GALNT11: variants seen among roughly 807,000 people sequenced by gnomAD.
The protein encoded by GALNT11 is polypeptide N-acetylgalactosaminyltransferase 11.
Under a neutral mutation model 72.7 loss-of-function variants are expected in GALNT11, and 47 were observed. That is an observed-to-expected ratio of 0.65 (90% CI 0.51 to 0.82). The LOEUF is 0.82. Among genes scored for constraint, GALNT11 ranks in the 40% least tolerant of loss-of-function variants. The pLI is 0.00. For missense variants in GALNT11, 677 were observed against 778.4 expected (o/e 0.87, Z 1.55); for synonymous variants, 270 against 286.6 (o/e 0.94, Z 0.58).
At chr7:152,113,712 CTTTTTTTTTTTTTTTTTTTTTTTTT>C (rs6150397) in intron 8 of GALNT11, among the ~76,000 whole-genome samples, 18 of 97,030 alleles carry the variant, frequency 1.9e-4, no homozygotes, top group South Asian at 6.3e-4. Context: ...AGTTGGCTTT[CTTTTTTTTTTTTTTTTTTTTTTTTT>C]TTTTTTTTTT....
rs113451796 is a variant in GALNT11 at position 152,077,859 on chromosome 7, G to A, written c.-38-16331G>A. On this transcript the variant is annotated intron_variant, in intron 1 of 11. Coordinates refer to ENST00000430044, the MANE Select transcript of GALNT11 (RefSeq NM_022087.4). ...CAGACAGTGGAATTACCAGACAGACGCTAAAGCATATGTTTATTATGTTCA... is the reference window on the plus strand; with the variant it reads ...CAGACAGTGGAATTACCAGACAGACACTAAAGCATATGTTTATTATGTTCA... 3.1e-3 allele frequency among the ~76,000 whole-genome samples: 479 copies of A among 152,096 alleles called. 1 individual carries two copies. The highest frequency in any genetic ancestry group is 0.01 in the Middle Eastern group (3 of 294).
At chr7:152,089,539 A>G (rs1465505951) in intron 1 of GALNT11, among the ~76,000 whole-genome samples, 1 of 152,234 alleles carries the variant, frequency 6.6e-6, no homozygotes, top group Non-Finnish European at 1.5e-5. Context: ...TCTAAACTAA[A>G]ACCCGATTGG....
intron 1 of GALNT11, among the ~76,000 whole-genome samples, chr7:152,088,411 G>T (rs1254819520): frequency 6.6e-6 from 1 of 151,838 alleles, no homozygotes; most frequent in Non-Finnish European, 1.5e-5. Flanking sequence ...ATTTATGAAG[G>T]TGGTAGATTA....
rs191138912 is a variant in GALNT11 at position 152,079,636 on chromosome 7, C to T, written c.-38-14554C>T. ...GAGCATATGATGTCTGGAATTTGCT[C>T]TGAACCTTTCCTAATTCAGCAATCG... On this transcript the variant is annotated intron_variant, in intron 1 of 11. Coordinates refer to ENST00000430044, the MANE Select transcript of GALNT11 (RefSeq NM_022087.4). 2.6e-5 allele frequency among the ~76,000 whole-genome samples: 4 copies of T among 152,328 alleles called. No homozygotes were observed. The East Asian group carries it at 7.7e-4, about 29-fold the overall frequency.
chr7:152,106,896 C>G (rs935080599), intron 5 of GALNT11, among the ~76,000 whole-genome samples: 1 of 152,134 alleles, frequency 6.6e-6, no homozygotes, highest in Non-Finnish European at 1.5e-5. Context: ...ATTTTCTCCT[C>G]GAAGCAATTG....
chr7:152,116,973 C>G (rs1367889404), intron 8 of GALNT11, 184 bp from the exon 9 acceptor site: 1 of 701,176 alleles, frequency 1.4e-6, no homozygotes, highest in South Asian at 1.5e-5. Context: ...GACTGAGACT[C>G]ACGAGTTTGA....
chr7:152,106,324 G>A (rs1040702179), intron 5 of GALNT11, among the ~76,000 whole-genome samples: 5 of 152,130 alleles, frequency 3.3e-5, no homozygotes, highest in African/African-American at 4.8e-5. Context: ...TGTGGTGGTC[G>A]GCACTGCTCA....
chr7:152,052,209 A>G (rs1401232103), intron 1 of GALNT11, among the ~76,000 whole-genome samples: 2 of 152,166 alleles, frequency 1.3e-5, no homozygotes, highest in Non-Finnish European at 2.9e-5. Flanking sequence ...ATGGCTGAAT[A>G]ATATTCCATT....
intron 1 of GALNT11, chr7:152,074,486 T>C (rs2084835065): frequency 2.0e-5 from 3 of 152,224 alleles, no homozygotes; most frequent in Admixed American, 6.5e-5. Flanking sequence ...TTCTGTTCCA[T>C]TGCTCTGTAT....
At chr7:152,120,683 C>T (rs1452091181) in intron 10 of GALNT11, 148 bp from the exon 11 acceptor site, 16 of 688,430 alleles carry the variant, frequency 2.3e-5, no homozygotes, top group Non-Finnish European at 3.6e-5. Context: ...GTGGAATGAA[C>T]CAAGTTGAAA....
chr7:152,047,033 C>T (rs981645861), intron 1 of GALNT11, among the ~76,000 whole-genome samples: 1 of 152,138 alleles, frequency 6.6e-6, no homozygotes, highest in Admixed American at 6.5e-5. Flanking sequence ...CCAATGGCAA[C>T]TTAACACTGA....
At chr7:152,084,989 T>A (rs2085556901) in intron 1 of GALNT11, among the ~76,000 whole-genome samples, 3 of 152,172 alleles carry the variant, frequency 2.0e-5, no homozygotes, top group African/African-American at 7.2e-5. Flanking sequence ...GCCATGACAT[T>A]TCACCTTTCT....
At chr7:152,040,365 G>A (rs770730683) in intron 1 of GALNT11, among the ~76,000 whole-genome samples, 43 of 152,194 alleles carry the variant, frequency 2.8e-4, no homozygotes, top group Non-Finnish European at 4.0e-4. Flanking sequence ...AGCTCCTCCT[G>A]TAAAAGATGA....
intron 1 of GALNT11, among the ~76,000 whole-genome samples, chr7:152,062,764 C>T (rs1057291721): frequency 5.3e-5 from 8 of 152,082 alleles, no homozygotes; most frequent in African/African-American, 1.2e-4. Flanking sequence ...TGGTAGATTA[C>T]GTTTATTGAT....
At chr7:152,073,991 A>AT (rs757284915) in intron 1 of GALNT11, among the ~76,000 whole-genome samples, 73 of 150,790 alleles carry the variant, frequency 4.8e-4, no homozygotes, top group Non-Finnish European at 9.0e-4. Context: ...TTTAAATCTG[A>AT]TTTTTTTTTC....
intron 1 of GALNT11, among the ~76,000 whole-genome samples, chr7:152,050,162 C>T (rs1354779456): frequency 1.3e-5 from 2 of 152,004 alleles, no homozygotes; most frequent in African/African-American, 4.8e-5. Flanking sequence ...CTTCCCTCTC[C>T]TTTTCTCAAG....
At chr7:152,039,136 G>A (rs911191613) in intron 1 of GALNT11, among the ~76,000 whole-genome samples, 1 of 152,154 alleles carries the variant, frequency 6.6e-6, no homozygotes, top group Non-Finnish European at 1.5e-5. Flanking sequence ...AACATAGTGT[G>A]GCCATGGCAC....
rs149755604 is a variant in GALNT11, at chr7:152,113,260, C to T, written c.1095C>T (p.Gly365=). 20 of 1,612,788 alleles carry T rather than the reference C, an allele frequency of 1.2e-5. No individual in the cohort carries two copies. The highest frequency in any genetic ancestry group is 1.6e-4 in the Middle Eastern group (1 of 6,078). Residue 365 remains glycine (G), a synonymous_variant, in exon 8 of 12, where the codon GGC becomes GGT. Coordinates refer to ENST00000430044, the MANE Select transcript of GALNT11 (RefSeq NM_022087.4). Reference sequence around the variant, plus strand: ...CTTCTGGCCAGATCTGGATGTGTGGCGGTAAGCTCTTCATCATCCCTTGCT... The same window carrying T: ...CTTCTGGCCAGATCTGGATGTGTGGTGGTAAGCTCTTCATCATCCCTTGCT... ...LEISFRIWMC[G]GKLFIIPCSR...
chr7:152,069,355 T>C (rs150005416), intron 1 of GALNT11, among the ~76,000 whole-genome samples: 82 of 152,322 alleles, frequency 5.4e-4, no homozygotes, highest in African/African-American at 1.6e-3. Context: ...GTGGTCTATA[T>C]TGGTGAATGT....
Sources: gnomAD v4.1 joint callset for allele counts (sites outside exome capture counted in the v4.1 genomes callset) on GRCh38, gnomAD v4.1.1 for gene constraint, MANE v1.5 for transcripts, NCBI Gene and HGNC (gene_info 2026-07-23, HGNC 2026-07-21) for gene names.